Variants in AVL9 observed in about 807,000 individuals in gnomAD.
The protein encoded by AVL9 is late secretory pathway protein AVL9 homolog.
In AVL9, 49 loss-of-function variants were observed where a neutral mutation model predicts 79.2. The observed-to-expected ratio is 0.62, with a 90% CI of 0.49 to 0.79. AVL9 has a LOEUF of 0.79. Among genes scored for constraint, AVL9 ranks in the 30% least tolerant of loss-of-function variants. The pLI is 0.00. For missense variants in AVL9, 682 were observed against 776.8 expected (o/e 0.88, Z 1.45); for synonymous variants, 299 against 280.6 (o/e 1.07, Z -0.65).
At chr7:32,539,343 C>G (rs1228556610) in intron 1 of AVL9, 4 of 152,180 alleles carry the variant, frequency 2.6e-5, no homozygotes, top group Admixed American at 1.3e-4. Context: ...TTGATTTTAG[C>G]AAGAATTTAT....
chr7:32,580,929 A>G (rs772611497), intron 15 of AVL9, 39 bp downstream of exon 15: 1 of 1,418,066 alleles, frequency 7.1e-7, no homozygotes. Flanking sequence ...TTGGAATCAC[A>G]ACACATCCAT....
intron 1 of AVL9, among the ~76,000 whole-genome samples, chr7:32,497,001 A>G (rs1786852027): frequency 6.6e-6 from 1 of 152,212 alleles, no homozygotes; most frequent in South Asian, 2.1e-4. Context: ...TCGGTAGGCT[A>G]AGGTGGGAAC....
intron 13 of AVL9, 72 bp from the exon 14 acceptor site, chr7:32,580,147 T>G (rs1277970890): frequency 8.2e-7 from 1 of 1,219,722 alleles, no homozygotes; most frequent in Non-Finnish European, 1.2e-6. Context: ...TTACTAATAT[T>G]TTCTTGTGAT....
At chr7:32,496,083 A>T (rs1786793289) in intron 1 of AVL9, among the ~76,000 whole-genome samples, 1 of 151,310 alleles carries the variant, frequency 6.6e-6, no homozygotes, top group Non-Finnish European at 1.5e-5. Flanking sequence ...GCTTTGGTGG[A>T]GTGGGAGGAA....
intron 13 of AVL9, among the ~76,000 whole-genome samples, chr7:32,579,295 TTA>T (rs1162009780): frequency 2.8e-5 from 2 of 71,654 alleles, no homozygotes; most frequent in African/African-American, 6.4e-5. Context: ...TATATATGTA[TTA>T]TATATATTAT....
chr7:32,558,828 C>T (rs899706745), intron 9 of AVL9, 101 bp from the exon 10 acceptor site: 6 of 1,164,294 alleles, frequency 5.2e-6, no homozygotes, highest in Non-Finnish European at 7.2e-6. Context: ...TGTGTACAAG[C>T]ATAGCTTATT....
rs1787742980 is a variant in AVL9, at chr7:32,512,909, A to G, written c.93+17107A>G. On this transcript the variant is annotated intron_variant, in intron 1 of 15. Coordinates refer to ENST00000318709, the MANE Select transcript of AVL9 (RefSeq NM_015060.3). ...CCCAAATTTCTACCACATGTTTCAT[A>G]CTGACTCCTCTTGTTTCATACTAAC... Among the ~76,000 whole-genome samples, 3 of 151,346 alleles carry G rather than the reference A, an allele frequency of 2.0e-5. No homozygotes were observed. The South Asian group carries it at 6.2e-4, about 32-fold the overall frequency.
In AVL9 at chr7:32,559,302, A is replaced by G. The variant is rs756544053; in HGVS notation, c.1053A>G (p.Gly351=). 1.2e-5 allele frequency: 20 copies of G among 1,614,078 alleles called. No homozygotes were observed. The Admixed American group carries it at 2.7e-4, about 22-fold the overall frequency. The stretch of plus-strand genomic sequence containing the variant: ...ACTTGAAAGAAAGGGAACAGCTGGG[A>G]TCAGACCAGACAAATTTGTTTCCAA... ...DPNLKEREQL[G]SDQTNLFPKD... The change falls in exon 10 of 16, where the codon GGA becomes GGG. Residue 351 remains glycine (G), a synonymous_variant. Coordinates refer to ENST00000318709, the MANE Select transcript of AVL9 (RefSeq NM_015060.3).
intron 1 of AVL9, among the ~76,000 whole-genome samples, chr7:32,503,826 G>A (rs2128113010): frequency 6.6e-6 from 1 of 152,138 alleles, no homozygotes. Flanking sequence ...GGGATTACAG[G>A]TGTGCACCAC....
intron 1 of AVL9, among the ~76,000 whole-genome samples, chr7:32,522,485 A>G (rs937054598): frequency 1.1e-4 from 17 of 152,232 alleles, no homozygotes; most frequent in Admixed American, 3.3e-4. Context: ...TGTTTTGGCC[A>G]ATTTCTCTCA....
chr7:32,523,683 G>GTAT (rs915546155), intron 1 of AVL9, among the ~76,000 whole-genome samples: 2 of 147,138 alleles, frequency 1.4e-5, no homozygotes, highest in South Asian at 2.1e-4. Flanking sequence ...ACCTGCCTAA[G>GTAT]TATTATTATT....
intron 1 of AVL9, among the ~76,000 whole-genome samples, chr7:32,506,189 A>C (rs1173074867): frequency 6.6e-6 from 1 of 151,576 alleles, no homozygotes; most frequent in Non-Finnish European, 1.5e-5. Flanking sequence ...TCGACTTTTT[A>C]ATTTTAAAAA....
intron 1 of AVL9, among the ~76,000 whole-genome samples, chr7:32,507,439 C>T (rs1787458490): frequency 6.6e-6 from 1 of 152,190 alleles, no homozygotes; most frequent in South Asian, 2.1e-4. Flanking sequence ...CGCTAACCAC[C>T]CTCTCCACTT....
At chr7:32,563,737 A>G (rs1391022083) in intron 10 of AVL9, among the ~76,000 whole-genome samples, 1 of 152,072 alleles carries the variant, frequency 6.6e-6, no homozygotes, top group African/African-American at 2.4e-5. Context: ...CCTCTCCTAT[A>G]TTATTCGATA....
chr7:32,529,742 C>G (rs928832688), intron 1 of AVL9, among the ~76,000 whole-genome samples: 4 of 152,138 alleles, frequency 2.6e-5, no homozygotes, highest in African/African-American at 9.7e-5. Flanking sequence ...CAATAAAGTG[C>G]ATGAAACCTA....
rs1791442000 is a variant in AVL9 at position 32,580,306 on chromosome 7, T to G, written c.1742+34T>G. On this transcript the variant is annotated intron_variant, in intron 14 of 15. Coordinates refer to ENST00000318709, the MANE Select transcript of AVL9 (RefSeq NM_015060.3). ...TTAGAGAAAATACTGGGAAAATTCT[T>G]AAGTCTGAATTTATGCCATGTGTTT... The G allele has an allele frequency of 1.5e-5, 23 of 1,527,122 alleles. No individual in the cohort carries two copies. The East Asian group carries it at 5.0e-4, about 33-fold the overall frequency. 94.6% of individuals were successfully genotyped at this position (1,527,122 alleles called of 1,614,324 possible). A position where few individuals can be genotyped will look rare whatever the true frequency, so the allele number is the denominator to read the frequency against.
chr7:32,501,854 G>A (rs1787141072), intron 1 of AVL9, among the ~76,000 whole-genome samples: 1 of 152,058 alleles, frequency 6.6e-6, no homozygotes, highest in South Asian at 2.1e-4. Context: ...ACTGCAGAAG[G>A]GCCCTAATCT....
rs1000930166 is a variant in AVL9 at position 32,585,250 on chromosome 7, A to G, written c.*1343A>G. ...AAAGAAAAGCAAGGTGATTGTAAGT[A>G]TTAAATAGAAATCTCATCTTAGTTT... On this transcript the variant is annotated 3_prime_UTR_variant, in exon 16 of 16. Coordinates refer to ENST00000318709, the MANE Select transcript of AVL9 (RefSeq NM_015060.3). 1.3e-5 allele frequency: 2 copies of G among 152,226 alleles called. No homozygotes were observed. Among genetic ancestry groups the G allele is most frequent in the East Asian group, 3.8e-4 (2 of 5,198 alleles). 9.4% of individuals were successfully genotyped at this position (152,226 alleles called of 1,614,324 possible).
At position 32,558,946 on chromosome 7, in the gene AVL9, C is replaced by T; in HGVS notation, c.697C>T (p.Leu233Phe). ...TATTTTAGGCATGATTGAACATGGT[C>T]TCAGTGACTGTTCTCAGTATAGACC... ...SLFPGMIEHG[L>F]SDCSQYRPRK... The change falls in exon 10 of 16, where the codon CTC becomes TTC. Residue 233 changes from leucine to phenylalanine, a missense_variant. Leu to Phe is a conservative substitution (Grantham distance 22). Coordinates refer to ENST00000318709, the MANE Select transcript of AVL9 (RefSeq NM_015060.3). The T allele has an allele frequency of 6.3e-7, 1 of 1,589,584 alleles. No individual in the cohort carries two copies. Among genetic ancestry groups the T allele is most frequent in the Non-Finnish European group, 8.6e-7 (1 of 1,169,584 alleles).
Sources: allele counts gnomAD v4.1 joint callset (sites outside exome capture counted in the v4.1 genomes callset), GRCh38; gene constraint gnomAD v4.1.1; transcripts MANE v1.5; gene names NCBI Gene and HGNC (gene_info 2026-07-23, HGNC 2026-07-21).